The following TKT variants were observed in gnomAD, a reference collection of about 807,000 sequenced individuals.
TKT encodes transketolase, also known as epididymis luminal protein 107.
A neutral mutation model predicts 63.9 loss-of-function variants in TKT; 47 were observed. The ratio of observed to expected loss-of-function variants is 0.74; its 90% CI spans 0.58 to 0.94. The LOEUF is 0.94. Ranked by LOEUF, TKT falls within the 40% of genes least tolerant of loss-of-function variation. The pLI is 0.00. For missense variants in TKT, 721 were observed against 846.2 expected, an observed-to-expected ratio of 0.85 and a Z score of 1.84; for synonymous variants, 338 against 334.1, an observed-to-expected ratio of 1.01 and a Z score of -0.13.
In TKT at chr3:53,225,729, A is replaced by AC; in HGVS notation, c.*26dup. 2 of 1,576,274 alleles carry AC rather than the reference A, an allele frequency of 1.3e-6. No individual in the cohort carries two copies. The highest frequency in any genetic ancestry group is 1.2e-5 in the South Asian group (1 of 85,868). ...TTCCCAGAATCTCAGGAATGTATAG[A>AC]CCCCCGCCCCACACTTCATACCCGC... On this transcript the variant is annotated 3_prime_UTR_variant, in exon 14 of 14. Coordinates refer to ENST00000462138, the MANE Select transcript of TKT (RefSeq NM_001064.4).
intron 5 of TKT, 102 bp from the exon 6 acceptor site, chr3:53,233,376 C>T: frequency 3.7e-6 from 3 of 821,790 alleles, no homozygotes; most frequent in East Asian, 3.0e-5. Context: ...TCTGCCCAGG[C>T]TCCACCCCAC....
At chr3:53,248,637 CA>C (rs34310421) in intron 1 of TKT, among the ~76,000 whole-genome samples, 79,571 of 149,478 alleles carry the variant, frequency 0.53, 21,553 homozygotes, top group Admixed American at 0.63. Flanking sequence ...CCCCACCCCC[CA>C]AAAAAAAGGA....
chr3:53,235,009 G>A lies in TKT; in HGVS notation c.603C>T (p.Ile201=). ...DPAPLQHQMD[I]YQKRCEAFGW... ...CGAAGGCCTCGCACCGCTTCTGGTA[G>A]ATGTCCATCTGGTGCTGCAGTGGGG... The change falls in exon 5 of 14, where the codon ATC becomes ATT. Residue 201 remains isoleucine (I), a synonymous_variant. Transcript: ENST00000462138. 5 of 1,613,810 alleles carry A rather than the reference G, an allele frequency of 3.1e-6. No individual in the cohort carries two copies. Among genetic ancestry groups the A allele is most frequent in the Non-Finnish European group, 4.2e-6 (5 of 1,179,912 alleles).
Position 53,225,834 on chromosome 3 carries a change from C to T in TKT, c.1794G>A (p.Pro598=), listed in dbSNP as rs3163. 294,416 of 1,613,870 alleles carry T rather than the reference C, an allele frequency of 0.18. 28,192 individuals are homozygous for T. The highest frequency in any genetic ancestry group is 0.2 in the South Asian group (17,764 of 91,054). ...AVNRVPRSGK[P]AELLKMFGID... is the part of the protein sequence containing the mutation. ...TACCAAACATCTTCAGCAGCTCAGC[C>T]GGCTTCCCACTTCTTGGTACCCGGT... Residue 598 remains proline (P), a synonymous_variant, in exon 14 of 14, where the codon CCG becomes CCA. Transcript: ENST00000462138.
intron 6 of TKT, 125 bp from the exon 7 acceptor site, chr3:53,231,675 A>C (rs1397272006): frequency 3.8e-5 from 40 of 1,049,420 alleles, no homozygotes; most frequent in Non-Finnish European, 5.2e-5. Context: ...ATCATCCCAG[A>C]CAGGCAGAGC....
chr3:53,228,883 G>C lies in TKT; in HGVS notation c.1395+124C>G, dbSNP rs552228532. ...CTTGTCTAACTTCCACAAGCTACAC[G>C]AACACCAGGGGCAAGGTCAGGAAAC... On this transcript the variant is annotated intron_variant, in intron 10 of 13. Coordinates refer to ENST00000462138, the MANE Select transcript of TKT (RefSeq NM_001064.4). 2.0e-5 allele frequency: 27 copies of C among 1,382,734 alleles called. No individual in the cohort carries two copies. The Admixed American group carries it at 2.9e-4, about 15-fold the overall frequency. The allele number at this position is 1,382,734 out of a possible 1,614,324, so 85.7% of individuals were successfully genotyped here. A position where few individuals can be genotyped will look rare whatever the true frequency, so the allele number is the denominator to read the frequency against.
At chr3:53,236,094 G>T (rs1705018296) in intron 4 of TKT, among the ~76,000 whole-genome samples, 1 of 152,264 alleles carries the variant, frequency 6.6e-6, no homozygotes, top group African/African-American at 2.4e-5. Flanking sequence ...GTGCAGGCAT[G>T]CAAGTAGGGT....
At position 53,229,367 on chromosome 3, in the gene TKT, A is replaced by G. The variant is rs138820989; in HGVS notation, c.1177T>C (p.Phe393Leu). The change falls in exon 9 of 14, where the codon TTC becomes CTC. Residue 393 changes from phenylalanine to leucine, a missense_variant. By Grantham distance (22) the Phe-to-Leu change is conservative. Transcript: ENST00000462138. The part of the protein sequence containing the change: ...VPFCSTFAAF[F>L]TRAFDQIRMA... ...CGAATCTGGTCAAAGGCCCGCGTGA[A>G]GAAGGCTGCAAAAGTGCTGCAGAAG... 1.9e-3 allele frequency: 3,042 copies of G among 1,613,578 alleles called. 4 individuals are homozygous for G. Among genetic ancestry groups the G allele is most frequent in the Non-Finnish European group, 2.3e-3 (2,767 of 1,179,792 alleles).
chr3:53,232,837 G>A (rs1704829628), intron 6 of TKT: 1 of 418,902 alleles, frequency 2.4e-6, no homozygotes, highest in African/African-American at 2.0e-5. Context: ...CACAGCTGCA[G>A]CTCTGAAAGG....
intron 7 of TKT, 56 bp from the exon 8 acceptor site, chr3:53,230,677 G>A: frequency 6.3e-7 from 1 of 1,589,916 alleles, no homozygotes; most frequent in Non-Finnish European, 8.6e-7. Context: ...GTGCACACCT[G>A]CAGCCTGGAG....
intron 1 of TKT, among the ~76,000 whole-genome samples, chr3:53,253,122 A>G (rs140802377): frequency 2.0e-3 from 298 of 152,178 alleles, no homozygotes; most frequent in African/African-American, 5.0e-3. Context: ...GATTAAAGGG[A>G]TGAGTCACTG....
rs544245949 is a variant in TKT at position 53,225,876 on chromosome 3, G to A, written c.1752C>T (p.Val584=). 12 of 1,614,008 alleles carry A rather than the reference G, an allele frequency of 7.4e-6. No homozygotes were observed. The East Asian group carries it at 8.9e-5, about 12-fold the overall frequency. The change falls in exon 14 of 14, where the codon GTC becomes GTT. Residue 584 remains valine (V), a synonymous_variant. Transcript: ENST00000462138. ...SAVVGEPGIT[V]THLAVNRVPR... is the part of the protein sequence containing the mutation. ...GTACCCGGTTAACTGCCAGGTGGGT[G>A]ACAGTGATGCCAGGCTCGCCCACTA...
At chr3:53,255,105 C>T (rs140242124) in intron 1 of TKT, among the ~76,000 whole-genome samples, 162 of 152,364 alleles carry the variant, frequency 1.1e-3, no homozygotes, top group African/African-American at 3.6e-3. Context: ...ACAATGGATC[C>T]CAGGGTTCTG....
intron 2 of TKT, chr3:53,241,831 G>A: frequency 2.5e-6 from 1 of 398,484 alleles, no homozygotes; most frequent in Non-Finnish European, 4.8e-6. Context: ...CCCAGACTGG[G>A]CAGAACACAC....
chr3:53,232,649 G>C, intron 6 of TKT: 1 of 398,044 alleles, frequency 2.5e-6, no homozygotes, highest in Non-Finnish European at 4.4e-6. Context: ...TCCGGCCTGG[G>C]GCAGAACCCA....
chr3:53,238,808 C>T (rs1447366946), intron 4 of TKT, among the ~76,000 whole-genome samples: 3 of 152,242 alleles, frequency 2.0e-5, no homozygotes, highest in East Asian at 1.9e-4. Flanking sequence ...AGACGGGTCA[C>T]GGTTCTCACA....
chr3:53,241,039 G>C, intron 3 of TKT, 93 bp downstream of exon 3: 1 of 1,097,586 alleles, frequency 9.1e-7, no homozygotes, highest in Non-Finnish European at 1.3e-6. Flanking sequence ...AACACCTTTG[G>C]CTTCTCAGTG....
chr3:53,229,446 G>C lies in TKT; in HGVS notation c.1108-10C>G. 1 of 1,596,690 alleles carries C rather than the reference G, an allele frequency of 6.3e-7. No individual in the cohort carries two copies. The highest frequency in any genetic ancestry group is 8.5e-7 in the Non-Finnish European group (1 of 1,172,158). ...CCACCGCGATGCTCACCTGGGGGCA[G>C]GTGGGACAGGGTCAGCCCAAAGGGG... On this transcript the variant is annotated splice_polypyrimidine_tract_variant and intron_variant, in intron 8 of 13. Transcript: ENST00000462138.
intron 1 of TKT, among the ~76,000 whole-genome samples, 179 bp downstream of exon 1, chr3:53,255,657 G>A (rs1198912606): frequency 2.0e-5 from 3 of 152,010 alleles, no homozygotes; most frequent in African/African-American, 7.2e-5. Flanking sequence ...GCGGCGCAGC[G>A]GAAGCCGCCT....
Sources: allele counts gnomAD v4.1 joint callset (sites outside exome capture counted in the v4.1 genomes callset), GRCh38; gene constraint gnomAD v4.1.1; transcripts MANE v1.5; gene names NCBI Gene and HGNC (gene_info 2026-07-23, HGNC 2026-07-21).